FSTL4: variants seen among roughly 807,000 people sequenced by gnomAD.
The protein encoded by FSTL4 is follistatin-related protein 4.
FSTL4 carries 28 observed loss-of-function variants against 78.2 expected under a neutral mutation model. The observed-to-expected ratio is 0.36, with a 90% CI of 0.27 to 0.49. The LOEUF is 0.49. Among genes scored for constraint, FSTL4 ranks in the 20% least tolerant of loss-of-function variants. The probability of loss-of-function intolerance (pLI) is 0.98; values close to 1 mark genes in which losing one functional copy is unlikely to be tolerated. For synonymous variants in FSTL4, 422 were observed against 440.5 expected (o/e 0.96, Z 0.53); for missense variants, 922 against 1,084.9 (o/e 0.85, Z 2.11).
At chr5:133,811,950 C>T in the FSTL4 span, among the ~76,000 whole-genome samples, 1 of 152,196 alleles carries the variant, frequency 6.6e-6, no homozygotes, top group Non-Finnish European at 1.5e-5. Flanking sequence ...TCTGAAACTG[C>T]ACTCTTAATA....
At chr5:133,493,070 T>G (rs938064521) in intron 3 of FSTL4, among the ~76,000 whole-genome samples, 2 of 152,170 alleles carry the variant, frequency 1.3e-5, no homozygotes, top group Non-Finnish European at 2.9e-5. Context: ...GTTTTTCCCC[T>G]ACAATTCCTT....
chr5:133,501,132 T>C (rs916844860), intron 3 of FSTL4, among the ~76,000 whole-genome samples: 7 of 152,016 alleles, frequency 4.6e-5, no homozygotes, highest in South Asian at 2.1e-4. Context: ...AAGGTGGCCA[T>C]AGAGATGACT....
chr5:133,246,134 G>A (rs1167173652), intron 7 of FSTL4, among the ~76,000 whole-genome samples: 1 of 152,140 alleles, frequency 6.6e-6, no homozygotes, highest in Non-Finnish European at 1.5e-5. Context: ...TTTGAAGGCC[G>A]ATCAGCTTGC....
chr5:133,558,464 C>T (rs1291718750), intron 3 of FSTL4, among the ~76,000 whole-genome samples: 1 of 152,088 alleles, frequency 6.6e-6, no homozygotes, highest in Non-Finnish European at 1.5e-5. Flanking sequence ...TGCGCTCAGA[C>T]CCCGGCCCAG....
At chr5:133,681,804 C>A in the FSTL4 span, among the ~76,000 whole-genome samples, 3 of 152,172 alleles carry the variant, frequency 2.0e-5, no homozygotes, top group African/African-American at 7.2e-5. Flanking sequence ...AAGGACCCAG[C>A]ATTCCAGACT....
intron 3 of FSTL4, among the ~76,000 whole-genome samples, chr5:133,561,289 G>A (rs1759908176): frequency 6.6e-6 from 1 of 151,910 alleles, no homozygotes; most frequent in African/African-American, 2.4e-5. Flanking sequence ...CATGCACTGA[G>A]CACTGCCAAC....
At chr5:133,719,283 C>A in the FSTL4 span, among the ~76,000 whole-genome samples, 1 of 152,212 alleles carries the variant, frequency 6.6e-6, no homozygotes, top group East Asian at 1.9e-4. Flanking sequence ...TAAATGAGTT[C>A]TTACTTGAAC....
At chr5:133,384,253 A>G (rs1755646683) in intron 4 of FSTL4, among the ~76,000 whole-genome samples, 1 of 152,218 alleles carries the variant, frequency 6.6e-6, no homozygotes, top group African/African-American at 2.4e-5. Flanking sequence ...ACTGAGCCAC[A>G]GGGTAGGAGA....
rs140102872 is a variant in FSTL4, at chr5:133,346,296, G to A, written c.410-29644C>T. On this transcript the variant is annotated intron_variant, in intron 4 of 15. Transcript: ENST00000265342. Reference sequence around the variant, plus strand: ...TTAGAACAAATACCTAATGCACGCCGGGCTTAAAACCTAGATGATGGGTTG... The same window carrying A: ...TTAGAACAAATACCTAATGCACGCCAGGCTTAAAACCTAGATGATGGGTTG... 1.0e-3 allele frequency among the ~76,000 whole-genome samples: 152 copies of A among 152,220 alleles called. No individual in the cohort carries two copies. In the East Asian group the frequency reaches 0.026, roughly 26 times the overall value.
chr5:133,224,208 T>C lies in FSTL4; in HGVS notation c.1321A>G (p.Ile441Val). The change falls in exon 11 of 16, where the codon ATC becomes GTC. Residue 441 changes from isoleucine (I) to valine (V), a missense_variant. By Grantham distance (29) the Ile-to-Val change is conservative (BLOSUM62 3). Coordinates refer to ENST00000265342, the MANE Select transcript of FSTL4 (RefSeq NM_015082.2). ...TTGGTACCTTCCTCTCGCCACAGGATGTTTGCAACTGCAGCAGCAGAGAAT... is the reference window on the plus strand; with the variant it reads ...TTGGTACCTTCCTCTCGCCACAGGACGTTTGCAACTGCAGCAGCAGAGAAT... The part of the protein sequence containing the change: ...EDSARKTLAN[I>V]LWREEGLSVG... 3 of 1,612,648 alleles carry C rather than the reference T, an allele frequency of 1.9e-6. No homozygotes were observed. Among genetic ancestry groups the C allele is most frequent in the Non-Finnish European group, 2.5e-6 (3 of 1,178,746 alleles).
At chr5:133,241,069 T>C (rs998547070) in intron 7 of FSTL4, among the ~76,000 whole-genome samples, 1 of 152,196 alleles carries the variant, frequency 6.6e-6, no homozygotes, top group Non-Finnish European at 1.5e-5. Context: ...CTGGGTGAGC[T>C]TCTCTGGGAA....
rs954182931 is a variant in FSTL4 at position 133,572,622 on chromosome 5, A to G, written c.127-5403T>C. Among the ~76,000 whole-genome samples, 7 of 152,360 alleles carry G rather than the reference A, an allele frequency of 4.6e-5. No homozygotes were observed. In the South Asian group the frequency reaches 1.5e-3, roughly 32 times the overall value. On this transcript the variant is annotated intron_variant, in intron 2 of 15. Coordinates refer to ENST00000265342, the MANE Select transcript of FSTL4 (RefSeq NM_015082.2). ...GAAGAAATAATGAGCACCAACAAGC[A>G]TTAAAAAAACCATAAAAATACATTT... is the stretch of plus-strand genomic sequence containing the variant.
intron 4 of FSTL4, among the ~76,000 whole-genome samples, chr5:133,358,514 C>T (rs1342591446): frequency 1.3e-5 from 2 of 152,126 alleles, no homozygotes; most frequent in Admixed American, 1.3e-4. Context: ...GCTGTCCTCC[C>T]CAGGCCCTGA....
chr5:133,631,473 G>A, the FSTL4 span, among the ~76,000 whole-genome samples: 1 of 152,116 alleles, frequency 6.6e-6, no homozygotes, highest in Non-Finnish European at 1.5e-5. Context: ...AGTTAGAATG[G>A]CGATCATTAA....
chr5:133,377,968 A>G (rs1403026640), intron 4 of FSTL4, among the ~76,000 whole-genome samples: 1 of 152,228 alleles, frequency 6.6e-6, no homozygotes, highest in African/African-American at 2.4e-5. Flanking sequence ...AAGCTAAAGA[A>G]GCCAGCAGAC....
chr5:133,488,744 T>C (rs1758192312), intron 3 of FSTL4, among the ~76,000 whole-genome samples: 1 of 152,242 alleles, frequency 6.6e-6, no homozygotes, highest in African/African-American at 2.4e-5. Context: ...TAAGAGCTTC[T>C]GTGGGATGGG....
At chr5:133,568,922 A>G (rs1269155301) in intron 2 of FSTL4, among the ~76,000 whole-genome samples, 13 of 152,244 alleles carry the variant, frequency 8.5e-5, no homozygotes, top group Non-Finnish European at 2.9e-5. Flanking sequence ...CTAATAACAC[A>G]GGATTTTAAT....
the FSTL4 span, among the ~76,000 whole-genome samples, chr5:133,835,211 T>C: frequency 4.6e-5 from 7 of 152,158 alleles, no homozygotes; most frequent in African/African-American, 9.7e-5. Context: ...GGCGGGAACA[T>C]TGGGAGCCCA....
At chr5:133,470,338 A>C (rs1757794212) in intron 3 of FSTL4, among the ~76,000 whole-genome samples, 2 of 152,400 alleles carry the variant, frequency 1.3e-5, no homozygotes, top group Middle Eastern at 3.4e-3. Context: ...ACTAAAAGTA[A>C]AAGCATAATT....
Sources: gnomAD v4.1 joint callset for allele counts (sites outside exome capture counted in the v4.1 genomes callset) on GRCh38, gnomAD v4.1.1 for gene constraint, MANE v1.5 for transcripts, NCBI Gene and HGNC (gene_info 2026-07-23, HGNC 2026-07-21) for gene names.